The following SLC35F3 variants were observed in gnomAD, a reference collection of about 807,000 sequenced individuals.
The protein encoded by SLC35F3 is putative thiamine transporter SLC35F3.
SLC35F3 carries 25 observed loss-of-function variants against 49.9 expected under a neutral mutation model. The observed-to-expected ratio is 0.50, with a 90% CI of 0.37 to 0.70. The LOEUF is 0.70. Ranked by LOEUF, SLC35F3 falls within the 30% of genes least tolerant of loss-of-function variation. The pLI, the probability that SLC35F3 is intolerant of heterozygous loss-of-function variation, is 0.00. For missense variants in SLC35F3, 525 were observed against 639.8 expected, an observed-to-expected ratio of 0.82 and a Z score of 1.94; for synonymous variants, 275 against 265.4, an observed-to-expected ratio of 1.04 and a Z score of -0.35.
At chr1:234,257,233 T>C (rs949745685) in intron 3 of SLC35F3, among the ~76,000 whole-genome samples, 3 of 152,236 alleles carry the variant, frequency 2.0e-5, no homozygotes, top group Non-Finnish European at 2.9e-5. Context: ...TACATAAATA[T>C]TCAAGTACTT....
chr1:234,275,508 A>C (rs970683839), intron 3 of SLC35F3, among the ~76,000 whole-genome samples: 11 of 152,128 alleles, frequency 7.2e-5, no homozygotes, highest in Non-Finnish European at 1.2e-4. Context: ...GCAGAGACAG[A>C]GGGATGCTCA....
chr1:234,154,378 T>G (rs1379893150), intron 2 of SLC35F3, among the ~76,000 whole-genome samples: 1 of 152,230 alleles, frequency 6.6e-6, no homozygotes, highest in Non-Finnish European at 1.5e-5. Flanking sequence ...TCATAAAATA[T>G]TTTATGTATG....
chr1:234,307,753 G>A (rs1201040594), intron 3 of SLC35F3, among the ~76,000 whole-genome samples: 1 of 152,180 alleles, frequency 6.6e-6, no homozygotes, highest in East Asian at 1.9e-4. Flanking sequence ...ATCCCCAGCT[G>A]TGGCAGTGCA....
At chr1:234,181,128 TTG>T (rs1666550343) in intron 2 of SLC35F3, among the ~76,000 whole-genome samples, 1 of 151,110 alleles carries the variant, frequency 6.6e-6, no homozygotes, top group Non-Finnish European at 1.5e-5. Flanking sequence ...CAGTCAGGAG[TTG>T]GAGACCAGCC....
chr1:234,309,764 C>T (rs1657302107), intron 4 of SLC35F3, among the ~76,000 whole-genome samples: 1 of 152,224 alleles, frequency 6.6e-6, no homozygotes, highest in Non-Finnish European at 1.5e-5. Flanking sequence ...AAGGATCCTT[C>T]GGCATCCATG....
chr1:233,936,152 A>G (rs1416007397), intron 2 of SLC35F3, among the ~76,000 whole-genome samples: 1 of 152,218 alleles, frequency 6.6e-6, no homozygotes, highest in African/African-American at 2.4e-5. Context: ...AAGAAGAGGT[A>G]AATATTATTA....
chr1:234,295,043 C>T (rs562877699), intron 3 of SLC35F3, among the ~76,000 whole-genome samples: 1 of 152,360 alleles, frequency 6.6e-6, no homozygotes, highest in East Asian at 1.9e-4. Context: ...CAGCCAGATG[C>T]AGAGAAATGT....
intron 2 of SLC35F3, among the ~76,000 whole-genome samples, chr1:233,956,899 C>T (rs1574151): frequency 1.0e-3 from 157 of 152,302 alleles, no homozygotes; most frequent in African/African-American, 3.5e-3. Flanking sequence ...CAGGTGCCCC[C>T]GCCTAGTGGT....
rs1309023845 is a variant in SLC35F3, at chr1:234,280,095, A to G, written c.609-29006A>G. Reference sequence around the variant, plus strand: ...TCACACAAGAGCCACACAGAGCCCTACCCTAACAGAACATTTGCCTTCCCT... The same window carrying G: ...TCACACAAGAGCCACACAGAGCCCTGCCCTAACAGAACATTTGCCTTCCCT... On this transcript the variant is annotated intron_variant, in intron 3 of 7. Transcript: ENST00000366618. Among the ~76,000 whole-genome samples, 4 of 152,192 alleles carry G rather than the reference A, an allele frequency of 2.6e-5. No individual in the cohort carries two copies. The East Asian group carries it at 5.8e-4, about 22-fold the overall frequency.
intron 2 of SLC35F3, among the ~76,000 whole-genome samples, chr1:234,063,765 T>C (rs149064863): frequency 8.5e-4 from 130 of 152,294 alleles, no homozygotes; most frequent in African/African-American, 2.9e-3. Flanking sequence ...ACAGTTGTTA[T>C]GGAGGCCTGA....
intron 2 of SLC35F3, among the ~76,000 whole-genome samples, chr1:233,930,398 G>A (rs1449213898): frequency 6.6e-6 from 1 of 152,156 alleles, no homozygotes; most frequent in Non-Finnish European, 1.5e-5. Flanking sequence ...CTGCAAAGAG[G>A]TATTATAATT....
At chr1:234,190,682 T>C (rs1248925978) in intron 2 of SLC35F3, among the ~76,000 whole-genome samples, 1 of 152,286 alleles carries the variant, frequency 6.6e-6, no homozygotes, top group East Asian at 1.9e-4. Context: ...AACAAAGACA[T>C]ACTGGGTTTA....
intron 3 of SLC35F3, among the ~76,000 whole-genome samples, chr1:234,235,688 T>C (rs963030246): frequency 1.3e-5 from 2 of 152,190 alleles, no homozygotes; most frequent in African/African-American, 2.4e-5. Context: ...AACGGTGCAG[T>C]GGTGACAGAT....
intron 3 of SLC35F3, among the ~76,000 whole-genome samples, chr1:234,302,056 G>A (rs534277966): frequency 2.0e-5 from 3 of 152,132 alleles, no homozygotes; most frequent in Non-Finnish European, 4.4e-5. Flanking sequence ...AGGGATGAGG[G>A]AAGGGAACTG....
chr1:234,023,513 G>A (rs1293290010), intron 2 of SLC35F3, among the ~76,000 whole-genome samples: 1 of 152,150 alleles, frequency 6.6e-6, no homozygotes, highest in African/African-American at 2.4e-5. Flanking sequence ...ATTAAGAAAT[G>A]GGGGAGAGGA....
intron 2 of SLC35F3, among the ~76,000 whole-genome samples, chr1:233,955,104 T>A (rs974592126): frequency 6.6e-6 from 1 of 151,866 alleles, no homozygotes; most frequent in Non-Finnish European, 1.5e-5. Flanking sequence ...TCAGCCTCCC[T>A]AAGTGCTGGG....
chr1:233,933,838 G>A (rs1048808963), intron 2 of SLC35F3, among the ~76,000 whole-genome samples: 5 of 152,134 alleles, frequency 3.3e-5, no homozygotes, highest in African/African-American at 1.2e-4. Context: ...GAATGACAGA[G>A]TGAGACTCCA....
At chr1:234,228,418 C>CATGG (rs1205757733) in intron 2 of SLC35F3, among the ~76,000 whole-genome samples, 2 of 152,176 alleles carry the variant, frequency 1.3e-5, no homozygotes, top group Non-Finnish European at 2.9e-5. Context: ...GTAATTCCTT[C>CATGG]ATGGATCTTT....
At chr1:234,267,575 G>GGGT (rs1668010282) in intron 3 of SLC35F3, among the ~76,000 whole-genome samples, 1 of 150,776 alleles carries the variant, frequency 6.6e-6, no homozygotes, top group Admixed American at 6.6e-5. Flanking sequence ...TTCCCAGTAG[G>GGGT]GGCGGCCGGG....
Sources: gnomAD v4.1 joint callset for allele counts (sites outside exome capture counted in the v4.1 genomes callset) on GRCh38, gnomAD v4.1.1 for gene constraint, MANE v1.5 for transcripts, NCBI Gene and HGNC (gene_info 2026-07-23, HGNC 2026-07-21) for gene names.